Variants in PDZD2 observed in about 807,000 individuals in gnomAD.
The protein encoded by PDZD2 is PDZ domain-containing protein 2.
In PDZD2, 90 loss-of-function variants were observed where a neutral mutation model predicts 220.7. That is an observed-to-expected ratio of 0.41 (90% CI 0.34 to 0.49). The LOEUF (loss-of-function observed/expected upper bound fraction) is 0.49. Ranked by LOEUF, PDZD2 falls within the 20% of genes least tolerant of loss-of-function variation. The pLI is 0.28. For missense variants in PDZD2, 3,174 were observed against 3,608.5 expected (o/e 0.88, Z 3.08); for synonymous variants, 1,375 against 1,450.5 (o/e 0.95, Z 1.18).
At chr5:31,653,700 C>T (rs1458062383) in intron 1 of PDZD2, among the ~76,000 whole-genome samples, 1 of 152,212 alleles carries the variant, frequency 6.6e-6, no homozygotes, top group Non-Finnish European at 1.5e-5. Context: ...CCAATTCATT[C>T]ATTCAGTAAA....
At chr5:31,823,276 C>G (rs890806088) in intron 2 of PDZD2, 6 of 331,222 alleles carry the variant, frequency 1.8e-5, no homozygotes, top group Non-Finnish European at 2.9e-5. Flanking sequence ...ACCAGCTGGG[C>G]CAAGGCATGG....
rs372400414 is a variant in PDZD2, at chr5:32,109,149, A to G, written c.*1014A>G. On this transcript the variant is annotated 3_prime_UTR_variant, in exon 25 of 25. Coordinates refer to ENST00000438447, the MANE Select transcript of PDZD2 (RefSeq NM_178140.4). Reference sequence around the variant, plus strand: ...TTTCTAAGTGTCCTTGGATTTATAGACAATGTATGTACAATCCAAATAGAG... The same window carrying G: ...TTTCTAAGTGTCCTTGGATTTATAGGCAATGTATGTACAATCCAAATAGAG... 2.0e-5 allele frequency: 3 copies of G among 152,338 alleles called. No homozygotes were observed. Among genetic ancestry groups the G allele is most frequent in the African/African-American group, 7.2e-5 (3 of 41,446 alleles). The allele number at this position is 152,338 out of a possible 1,614,324, so 9.4% of individuals were successfully genotyped here.
intron 2 of PDZD2, chr5:31,848,055 G>A: frequency 8.3e-6 from 3 of 363,388 alleles, no homozygotes; most frequent in South Asian, 8.2e-5. Flanking sequence ...GAAAAGCAGA[G>A]GTGGAACTAT....
chr5:31,723,763 G>A (rs909137611), intron 1 of PDZD2, among the ~76,000 whole-genome samples: 7 of 151,962 alleles, frequency 4.6e-5, no homozygotes, highest in African/African-American at 9.7e-5. Context: ...GATTACAGGC[G>A]CCCACCACCA....
rs1326797881 is a variant in PDZD2 at position 32,090,488 on chromosome 5, A to G, written c.7040A>G (p.Asn2347Ser). 83 of 1,613,966 alleles carry G rather than the reference A, an allele frequency of 5.1e-5. No homozygotes were observed. The highest frequency in any genetic ancestry group is 6.6e-5 in the Non-Finnish European group (78 of 1,180,040). Residue 2347 changes from asparagine (N) to serine (S), a missense_variant, in exon 20 of 25, where the codon AAT (asparagine) becomes AGT (serine). By Grantham distance (46) the Asn-to-Ser change is conservative. Around this residue, in one of 4 missense-constraint regions of PDZD2, gnomAD observed 631 missense variants for 789.9 expected, o/e 0.80. Transcript: ENST00000438447. This position sits in a 1 kb window ranked among gnomAD's most constrained non-coding sequence, Gnocchi z 4.3. The stretch of plus-strand genomic sequence containing the variant: ...ATCAAGTCTTTTGAGAACCTGGCCA[A>G]TGCTGACCGGCCTGTAGCCAAGTCC... ...QRIKSFENLA[N>S]ADRPVAKSGA...
chr5:31,964,779 G>A (rs2111726674), intron 2 of PDZD2, among the ~76,000 whole-genome samples: 1 of 152,242 alleles, frequency 6.6e-6, no homozygotes, highest in East Asian at 1.9e-4. Flanking sequence ...GCAGCGGCGC[G>A]ATCTCGGCTC....
chr5:31,813,449 C>CAAA (rs60551914), intron 2 of PDZD2, among the ~76,000 whole-genome samples: 2,111 of 94,084 alleles, frequency 0.022, 131 homozygotes, highest in African/African-American at 0.045. Context: ...GACTCCGTCT[C>CAAA]AAAAAAAAAA....
chr5:32,074,998 G>T (rs577606061), intron 18 of PDZD2, among the ~76,000 whole-genome samples: 3 of 152,218 alleles, frequency 2.0e-5, no homozygotes, highest in African/African-American at 7.2e-5. Context: ...TTTTAGTAGA[G>T]ACAGGGTTTC....
At chr5:32,082,165 G>A (rs1427397601) in intron 19 of PDZD2, among the ~76,000 whole-genome samples, 1 of 151,798 alleles carries the variant, frequency 6.6e-6, no homozygotes, top group African/African-American at 2.4e-5. Flanking sequence ...TGGATTACAG[G>A]CGCCCACCAC....
At chr5:31,681,030 CTCAAG>C (rs1404676414) in intron 1 of PDZD2, among the ~76,000 whole-genome samples, 1 of 152,144 alleles carries the variant, frequency 6.6e-6, no homozygotes, top group Non-Finnish European at 1.5e-5. Context: ...CTTTCTTGTC[CTCAAG>C]TCAACACCTG....
chr5:31,705,915 G>C (rs1278024076), intron 1 of PDZD2, among the ~76,000 whole-genome samples: 1 of 152,302 alleles, frequency 6.6e-6, no homozygotes, highest in African/African-American at 2.4e-5. Context: ...CCTGGGCGTG[G>C]TGGTGGGTGC....
chr5:32,025,863 G>C lies in PDZD2; in HGVS notation c.1408-11368G>C, dbSNP rs149873990. On this transcript the variant is annotated intron_variant, in intron 6 of 24. Transcript: ENST00000438447. ...GATCCACCTGCCTCAGTCTCCCAGA[G>C]TGCTGGGACTGCAGGCGTGAGCCAA... is the stretch of plus-strand genomic sequence containing the variant. Among the ~76,000 whole-genome samples the C allele has an allele frequency of 1.7e-3, 262 of 151,976 alleles. 2 individuals are homozygous for C. Among genetic ancestry groups the C allele is most frequent in the African/African-American group, 6.2e-3 (255 of 41,440 alleles).
intron 2 of PDZD2, among the ~76,000 whole-genome samples, chr5:31,896,323 C>CGTGTGTGTGTGTGTGTGTGTGT (rs35229609): frequency 1.5e-5 from 2 of 136,358 alleles, no homozygotes; most frequent in African/African-American, 2.7e-5. Flanking sequence ...TTGATACTCT[C>CGTGTGTGTGTGTGTGTGTGTGT]GTGTGTGTGT....
At chr5:32,003,292 C>T (rs116596974) in intron 5 of PDZD2, among the ~76,000 whole-genome samples, 2,847 of 132,566 alleles carry the variant, frequency 0.021, 106 homozygotes, top group African/African-American at 0.068. Flanking sequence ...ACACACACCA[C>T]AGCAAACACC....
chr5:31,996,754 T>A (rs1456966221), intron 4 of PDZD2, among the ~76,000 whole-genome samples: 1 of 152,128 alleles, frequency 6.6e-6, no homozygotes, highest in Non-Finnish European at 1.5e-5. Context: ...GGTGGCACAC[T>A]TCTGTAGTCC....
intron 5 of PDZD2, among the ~76,000 whole-genome samples, chr5:32,002,669 C>CCA (rs1247783561): frequency 8.1e-6 from 1 of 123,192 alleles, no homozygotes; most frequent in East Asian, 2.4e-4. Flanking sequence ...CACACACACA[C>CCA]CACACACACA....
Position 31,689,353 on chromosome 5 carries a change from A to ATATATATATTT in PDZD2, c.-361+49917_-361+49918insATATATATTTT. On this transcript the variant is annotated intron_variant, in intron 1 of 24. Transcript: ENST00000438447. ...TACATATACATATATATATATATAT[A>ATATATATATTT]TTTTTTTTTTTTTTTTTTTTAAGTC... is the stretch of plus-strand genomic sequence containing the variant. 3.0e-3 allele frequency among the ~76,000 whole-genome samples: 105 copies of ATATATATATTT among 35,106 alleles called. 2 individuals carry two copies. The highest frequency in any genetic ancestry group is 0.013 in the East Asian group (7 of 542). 23.0% of individuals were successfully genotyped at this position (35,106 alleles called of 152,430 possible). A position where few individuals can be genotyped will look rare whatever the true frequency, so the allele number is the denominator to read the frequency against.
At chr5:31,656,450 C>T (rs999347603) in intron 1 of PDZD2, among the ~76,000 whole-genome samples, 8 of 152,140 alleles carry the variant, frequency 5.3e-5, no homozygotes, top group Non-Finnish European at 1.0e-4. Flanking sequence ...TCCAAGGGCA[C>T]TCAGCCATCT....
chr5:31,656,462 T>G (rs909492558), intron 1 of PDZD2, among the ~76,000 whole-genome samples: 1 of 152,160 alleles, frequency 6.6e-6, no homozygotes, highest in Non-Finnish European at 1.5e-5. Context: ...CAGCCATCTC[T>G]TTCACCTCTC....
Sources: allele counts gnomAD v4.1 joint callset (sites outside exome capture counted in the v4.1 genomes callset), GRCh38; gene constraint gnomAD v4.1.1; regional missense constraint gnomAD v4.1.1; non-coding constraint Gnocchi (gnomAD v3.1); transcripts MANE v1.5; gene names NCBI Gene and HGNC (gene_info 2026-07-23, HGNC 2026-07-21).